The following POMZP3 variants were observed in gnomAD, a reference collection of about 807,000 sequenced individuals.
The protein encoded by POMZP3 is POM121 and ZP3 fusion, also known as POM121 and ZP3 fusion protein.
Under a neutral mutation model 19.8 loss-of-function variants are expected in POMZP3, and 10 were observed. The observed-to-expected ratio is 0.51, with a 90% CI of 0.31 to 0.86. The LOEUF is 0.86. Ranked by LOEUF, POMZP3 falls within the 40% of genes least tolerant of loss-of-function variation. The probability of loss-of-function intolerance (pLI) is 0.04; values close to 1 mark genes in which losing one functional copy is unlikely to be tolerated. For missense variants in POMZP3, 152 were observed against 228.1 expected, an observed-to-expected ratio of 0.67 and a Z score of 2.15; for synonymous variants, 57 against 85.8, an observed-to-expected ratio of 0.66 and a Z score of 1.85.
chr7:76,626,794 C>G lies in POMZP3; in HGVS notation c.-238G>C. On this transcript the variant is annotated 5_prime_UTR_variant, in exon 1 of 7. Transcript: ENST00000310842. ...GAACGCGATGGGTCGGCGGGGAGGGCGGTGTGGAGCGCGGCGCCGGGCGGG... is the reference window on the plus strand; with the variant it reads ...GAACGCGATGGGTCGGCGGGGAGGGGGGTGTGGAGCGCGGCGCCGGGCGGG... The G allele has an allele frequency of 7.8e-7, 1 of 1,280,692 alleles. No individual in the cohort carries two copies. The highest frequency in any genetic ancestry group is 1.0e-6 in the Non-Finnish European group (1 of 999,316). 79.3% of individuals were successfully genotyped at this position (1,280,692 alleles called of 1,614,324 possible).
rs867293295 is a variant in POMZP3 at position 76,626,166 on chromosome 7, A to G, written c.-102T>C. ...GAATACTGGGCCTGATGGATCGGATAGCGTCTTCGAGGTGTTATTACAAAC... is the reference window on the plus strand; with the variant it reads ...GAATACTGGGCCTGATGGATCGGATGGCGTCTTCGAGGTGTTATTACAAAC... On this transcript the variant is annotated 5_prime_UTR_variant, in exon 2 of 7. Transcript: ENST00000310842. 9 of 1,594,976 alleles carry G rather than the reference A, an allele frequency of 5.6e-6. No individual in the cohort carries two copies. Among genetic ancestry groups the G allele is most frequent in the African/African-American group, 1.3e-5 (1 of 74,438 alleles).
intron 3 of POMZP3, among the ~76,000 whole-genome samples, chr7:76,623,072 A>C (rs1815660978): frequency 6.6e-6 from 1 of 151,292 alleles, no homozygotes; most frequent in Admixed American, 6.6e-5. Context: ...GAGTTGCACT[A>C]TGTTGGCCAG....
At chr7:76,624,539 G>A (rs547950470) in intron 3 of POMZP3, among the ~76,000 whole-genome samples, 27 of 151,610 alleles carry the variant, frequency 1.8e-4, no homozygotes, top group Middle Eastern at 3.4e-3. Context: ...TCCGCCTCCT[G>A]GGTTCAAGCA....
chr7:76,622,655 C>T (rs1362901637), intron 3 of POMZP3, among the ~76,000 whole-genome samples: 3 of 151,648 alleles, frequency 2.0e-5, no homozygotes, highest in Non-Finnish European at 2.9e-5. Context: ...TGAGCCACTG[C>T]GTCTGGCCCA....
intron 6 of POMZP3, among the ~76,000 whole-genome samples, chr7:76,611,018 G>A (rs986480650): frequency 2.0e-4 from 28 of 139,564 alleles, no homozygotes; most frequent in African/African-American, 7.7e-4. Flanking sequence ...GGGATTACAG[G>A]CATGTACCAC....
In POMZP3 at chr7:76,617,306, T is replaced by C. The variant is rs1636617; in HGVS notation, c.345+877A>G. 1.4e-4 allele frequency among the ~76,000 whole-genome samples: 13 copies of C among 95,426 alleles called. 2 individuals carry two copies. Among genetic ancestry groups the C allele is most frequent in the South Asian group, 1.1e-3 (3 of 2,724 alleles). The allele number at this position is 95,426 out of a possible 152,430, so 62.6% of individuals were successfully genotyped here. A position where few individuals can be genotyped will look rare whatever the true frequency, so the allele number is the denominator to read the frequency against. ...CTTCTAACCACTTACCAGTACTTCC[T>C]GGCTAGATGTTGGTCCTGGCACCTG... On this transcript the variant is annotated intron_variant, in intron 4 of 6. Coordinates refer to ENST00000310842, the MANE Select transcript of POMZP3 (RefSeq NM_012230.5).
Position 76,614,559 on chromosome 7 carries a change from TC to T in POMZP3, c.346-2747del, listed in dbSNP as rs1244281363. On this transcript the variant is annotated intron_variant, in intron 4 of 6. Transcript: ENST00000310842. ...TGGGCAACAAGAGTGACACTCCATTTCCCCCAAAAAAAAAAAAAAAAAAGAG... is the reference window on the plus strand; with the variant it reads ...TGGGCAACAAGAGTGACACTCCATTTCCCCAAAAAAAAAAAAAAAAAAGAG... 8.1e-5 allele frequency among the ~76,000 whole-genome samples: 4 copies of T among 49,268 alleles called. 2 individuals carry two copies. Among genetic ancestry groups the T allele is most frequent in the African/African-American group, 2.4e-4 (2 of 8,190 alleles). 32.3% of individuals were successfully genotyped at this position (49,268 alleles called of 152,430 possible).
Position 76,620,020 on chromosome 7 carries a change from TAA to T in POMZP3, c.228-1722_228-1721del, listed in dbSNP as rs75646999. ...GGTGACAGGGTGATATCTTGTCTCT[TAA>T]AAAAAAAAAGGGCCGGGTGCGGTGT... is the stretch of plus-strand genomic sequence containing the variant. On this transcript the variant is annotated intron_variant, in intron 3 of 6. Transcript: ENST00000310842. 1.1e-3 allele frequency among the ~76,000 whole-genome samples: 69 copies of T among 62,778 alleles called. 4 individuals are homozygous for T. The highest frequency in any genetic ancestry group is 1.2e-3 in the African/African-American group (11 of 9,444). 41.2% of individuals were successfully genotyped at this position (62,778 alleles called of 152,430 possible).
chr7:76,613,525 T>TTTTTTTTTTTTC (rs1212727131), intron 4 of POMZP3, among the ~76,000 whole-genome samples: 1 of 73,420 alleles, frequency 1.4e-5, no homozygotes, highest in African/African-American at 7.0e-5. Flanking sequence ...TTTTTTTTTT[T>TTTTTTTTTTTTC]CTGAGACGGA....
At chr7:76,623,185 G>GTT (rs71521144) in intron 3 of POMZP3, among the ~76,000 whole-genome samples, 25 of 147,470 alleles carry the variant, frequency 1.7e-4, no homozygotes, top group South Asian at 4.3e-4. Flanking sequence ...ATTGATTGTG[G>GTT]TTTTTTTTTT....
chr7:76,615,191 C>A lies in POMZP3; in HGVS notation c.345+2992G>T, dbSNP rs555177845. ...ACACCCAGAGATTGAGAAACCACCT[C>A]AGTCCATACCCATGCTGACTGCTAC... is the stretch of plus-strand genomic sequence containing the variant. On this transcript the variant is annotated intron_variant, in intron 4 of 6. Transcript: ENST00000310842. 7.9e-4 allele frequency among the ~76,000 whole-genome samples: 77 copies of A among 97,754 alleles called. 27 individuals are homozygous for A. The highest frequency in any genetic ancestry group is 2.9e-3 in the African/African-American group (71 of 24,478). 64.1% of individuals were successfully genotyped at this position (97,754 alleles called of 152,430 possible).
rs1341418753 is a variant in POMZP3 at position 76,615,992 on chromosome 7, G to C, written c.345+2191C>G. Reference sequence around the variant, plus strand: ...CCCTCTCAAAAAAAAAAAAAAAAGGGGGGGGGGGCAGGTGGCACGTGGTGG... The same window carrying C: ...CCCTCTCAAAAAAAAAAAAAAAAGGCGGGGGGGGCAGGTGGCACGTGGTGG... On this transcript the variant is annotated intron_variant, in intron 4 of 6. Transcript: ENST00000310842. Among the ~76,000 whole-genome samples the C allele has an allele frequency of 3.2e-5, 2 of 61,812 alleles. 1 individual carries two copies. The highest frequency in any genetic ancestry group is 7.6e-4 in the East Asian group (2 of 2,626). 40.6% of individuals were successfully genotyped at this position (61,812 alleles called of 152,430 possible).
rs1033607004 is a variant in POMZP3, at chr7:76,619,482, C to T, written c.228-1182G>A. Among the ~76,000 whole-genome samples the T allele has an allele frequency of 3.3e-5, 5 of 151,294 alleles. 1 individual carries two copies. The highest frequency in any genetic ancestry group is 4.2e-4 in the South Asian group (2 of 4,792). ...ACACAGTAGGGCAGTTTGCCACTTG[C>T]GTTCTTGCATAAAGGTCCACAGCCT... On this transcript the variant is annotated intron_variant, in intron 3 of 6. Transcript: ENST00000310842.
chr7:76,624,351 C>T (rs1235562221), intron 3 of POMZP3, among the ~76,000 whole-genome samples: 3 of 151,304 alleles, frequency 2.0e-5, no homozygotes, highest in African/African-American at 7.3e-5. Context: ...GAGTTCGAGA[C>T]CAGCCTGCTC....
rs377115090 is a variant in POMZP3, at chr7:76,610,161, C to A, written c.*66G>T. 2 of 1,562,536 alleles carry A rather than the reference C, an allele frequency of 1.3e-6. No homozygotes were observed. Among genetic ancestry groups the A allele is most frequent in the East Asian group, 2.3e-5 (1 of 43,642 alleles). On this transcript the variant is annotated 3_prime_UTR_variant, in exon 7 of 7. Coordinates refer to ENST00000310842, the MANE Select transcript of POMZP3 (RefSeq NM_012230.5). ...AGCCCACTGCTCTACTTCATGGTCACCCCTCCTGTCCAGGAAGATCAGTGG... is the reference window on the plus strand; with the variant it reads ...AGCCCACTGCTCTACTTCATGGTCAACCCTCCTGTCCAGGAAGATCAGTGG...
chr7:76,614,853 C>T, intron 4 of POMZP3, among the ~76,000 whole-genome samples: 1 of 70,660 alleles, frequency 1.4e-5, no homozygotes, highest in Non-Finnish European at 2.6e-5. Flanking sequence ...GAGCGAGACT[C>T]TGTCCAAAAA....
intron 3 of POMZP3, among the ~76,000 whole-genome samples, chr7:76,623,998 C>T (rs1636630): frequency 0.54 from 70,416 of 131,474 alleles, 19,404 homozygotes; most frequent in Middle Eastern, 0.69. Context: ...GTAGGAGAGA[C>T]GTGAAAAAAA....
At chr7:76,625,091 C>G (rs2116884926) in intron 3 of POMZP3, among the ~76,000 whole-genome samples, 1 of 138,224 alleles carries the variant, frequency 7.2e-6, no homozygotes, top group East Asian at 2.2e-4. Flanking sequence ...TGAGATCGGG[C>G]CACTGCACTC....
intron 4 of POMZP3, among the ~76,000 whole-genome samples, chr7:76,616,495 C>T (rs188085843): frequency 9.9e-6 from 1 of 101,412 alleles, no homozygotes; most frequent in Admixed American, 9.6e-5. Context: ...GAAACCCCTA[C>T]TTTAATCACT....
Sources: gnomAD v4.1 joint callset for allele counts (sites outside exome capture counted in the v4.1 genomes callset) on GRCh38, gnomAD v4.1.1 for gene constraint, MANE v1.5 for transcripts, NCBI Gene and HGNC (gene_info 2026-07-23, HGNC 2026-07-21) for gene names.